The following WNT2B variants were observed in gnomAD, a reference collection of about 807,000 sequenced individuals.
The protein encoded by WNT2B is protein Wnt-2b.
In WNT2B, 19 loss-of-function variants were observed where a neutral mutation model predicts 40.5. That is an observed-to-expected ratio of 0.47 (90% CI 0.33 to 0.69). The LOEUF (loss-of-function observed/expected upper bound fraction) is 0.69. Among genes scored for constraint, WNT2B ranks in the 30% least tolerant of loss-of-function variants. WNT2B has a pLI of 0.02. For synonymous variants in WNT2B, 220 were observed against 211.9 expected (o/e 1.04, Z -0.33); for missense variants, 467 against 556.4 (o/e 0.84, Z 1.62).
At chr1:112,489,935 T>C (rs1651545871) in intron 1 of WNT2B, among the ~76,000 whole-genome samples, 1 of 152,218 alleles carries the variant, frequency 6.6e-6, no homozygotes, top group Non-Finnish European at 1.5e-5. Context: ...TTTAGGATTT[T>C]TTTCTTACTG....
chr1:112,518,827 A>G (rs1652704876), intron 4 of WNT2B, among the ~76,000 whole-genome samples: 1 of 152,212 alleles, frequency 6.6e-6, no homozygotes, highest in Non-Finnish European at 1.5e-5. Flanking sequence ...ATATGGAGCC[A>G]GGAATTCCCT....
intron 1 of WNT2B, 186 bp from the exon 2 acceptor site, chr1:112,514,688 G>A: frequency 1.6e-6 from 1 of 639,434 alleles, no homozygotes; most frequent in Non-Finnish European, 2.7e-6. Context: ...CTCTGCAACT[G>A]TATAACTATT....
intron 1 of WNT2B, among the ~76,000 whole-genome samples, chr1:112,513,534 G>C (rs781016627): frequency 6.6e-6 from 1 of 150,624 alleles, no homozygotes; most frequent in South Asian, 2.1e-4. Flanking sequence ...AGGGCCGGCT[G>C]TGGGAATGCA....
chr1:112,501,137 T>C (rs1164087734), intron 1 of WNT2B, among the ~76,000 whole-genome samples: 1 of 152,206 alleles, frequency 6.6e-6, no homozygotes, highest in African/African-American at 2.4e-5. Context: ...ACTAGTCAGG[T>C]ATTTTGTAGA....
chr1:112,496,653 C>T (rs764356431), intron 1 of WNT2B, among the ~76,000 whole-genome samples: 4 of 150,904 alleles, frequency 2.7e-5, no homozygotes, highest in Admixed American at 6.6e-5. Flanking sequence ...CAGGCTGGAG[C>T]GCAATGGTAT....
At chr1:112,469,912 C>G (rs757062987) in intron 1 of WNT2B, among the ~76,000 whole-genome samples, 1 of 152,158 alleles carries the variant, frequency 6.6e-6, no homozygotes, top group African/African-American at 2.4e-5. Flanking sequence ...CCGTACCCGG[C>G]CTATTTATAT....
At chr1:112,505,772 T>C (rs1652087064), upstream of WNT2B, among the ~76,000 whole-genome samples, 1 of 152,234 alleles carries the variant, frequency 6.6e-6, no homozygotes. Flanking sequence ...AGCTGGCTCC[T>C]GCAGCCTGGG....
In WNT2B at chr1:112,516,360, G is replaced by A; in HGVS notation, c.624G>A (p.Lys208=). Residue 208 remains lysine (K), a synonymous_variant, in exon 3 of 5, where the codon AAG becomes AAA. Coordinates refer to ENST00000369684, the MANE Select transcript of WNT2B (RefSeq NM_024494.3). Reference sequence around the variant, plus strand: ...AGGCCTTCGTGGATGCCAAGGAGAAGAGGCTTAAGGATGCCCGGGCCCTCA... The same window carrying A: ...AGGCCTTCGTGGATGCCAAGGAGAAAAGGCTTAAGGATGCCCGGGCCCTCA... ...FAKAFVDAKE[K]RLKDARALMN... is the part of the protein sequence containing the mutation. 2 of 1,614,028 alleles carry A rather than the reference G, an allele frequency of 1.2e-6. No homozygotes were observed. The highest frequency in any genetic ancestry group is 2.2e-5 in the East Asian group (1 of 44,848).
chr1:112,470,022 A>G (rs1159749990), intron 1 of WNT2B, among the ~76,000 whole-genome samples: 1 of 152,242 alleles, frequency 6.6e-6, no homozygotes, highest in African/African-American at 2.4e-5. Context: ...ACACACCACA[A>G]TTACAGTGTT....
chr1:112,485,504 T>C (rs1026396275), intron 1 of WNT2B, among the ~76,000 whole-genome samples: 1 of 151,970 alleles, frequency 6.6e-6, no homozygotes, highest in Non-Finnish European at 1.5e-5. Flanking sequence ...CTACGTTTTA[T>C]TGGAATAGAA....
At chr1:112,519,377 G>A (rs1042712148) in intron 4 of WNT2B, among the ~76,000 whole-genome samples, 5 of 152,170 alleles carry the variant, frequency 3.3e-5, no homozygotes, top group Non-Finnish European at 7.3e-5. Flanking sequence ...GTAGAAATCA[G>A]TTAATCTATT....
At chr1:112,473,235 G>A (rs112726001) in intron 1 of WNT2B, among the ~76,000 whole-genome samples, 2 of 150,720 alleles carry the variant, frequency 1.3e-5, no homozygotes, top group African/African-American at 2.4e-5. Flanking sequence ...AAGGAAGGAA[G>A]GAAGGAAAAG....
At chr1:112,496,464 C>T (rs1651770947) in intron 1 of WNT2B, among the ~76,000 whole-genome samples, 1 of 152,210 alleles carries the variant, frequency 6.6e-6, no homozygotes, top group African/African-American at 2.4e-5. Flanking sequence ...TCATCTAAAT[C>T]ACATATGAGT....
chr1:112,496,762 G>A (rs1240433349), intron 1 of WNT2B, among the ~76,000 whole-genome samples: 2 of 151,794 alleles, frequency 1.3e-5, no homozygotes, highest in African/African-American at 4.8e-5. Context: ...CACTACGCCC[G>A]GCTACTTTTG....
At chr1:112,476,889 G>A (rs917989662) in intron 1 of WNT2B, among the ~76,000 whole-genome samples, 1 of 152,174 alleles carries the variant, frequency 6.6e-6, no homozygotes, top group Non-Finnish European at 1.5e-5. Context: ...GCTGCTACAT[G>A]TATGATGGAC....
intron 1 of WNT2B, among the ~76,000 whole-genome samples, chr1:112,469,024 G>A (rs1245926126): frequency 1.3e-5 from 2 of 152,168 alleles, no homozygotes; most frequent in African/African-American, 2.4e-5. Flanking sequence ...TGTGCATATG[G>A]TTATTCAGTT....
Position 112,502,076 on chromosome 1 carries a change from C to G in WNT2B, c.-94-12798C>G, listed in dbSNP as rs550133735. 2.6e-3 allele frequency among the ~76,000 whole-genome samples: 391 copies of G among 152,358 alleles called. 6 individuals carry two copies. The highest frequency in any genetic ancestry group is 0.022 in the Admixed American group (334 of 15,308). On this transcript the variant is annotated intron_variant, in intron 1 of 4. Transcript: ENST00000256640. ...TTGGCTAAAGCTCAGCGTTCTCCTCCGGGGCTGGGGCCCTGGCCAGGCCTG... is the reference window on the plus strand; with the variant it reads ...TTGGCTAAAGCTCAGCGTTCTCCTCGGGGGCTGGGGCCCTGGCCAGGCCTG...
chr1:112,475,228 A>C (rs940491483), intron 1 of WNT2B, among the ~76,000 whole-genome samples: 1 of 152,216 alleles, frequency 6.6e-6, no homozygotes, highest in Non-Finnish European at 1.5e-5. Context: ...AGATTTGCCC[A>C]CACACACAAA....
At chr1:112,504,538 C>T (rs967282244), upstream of WNT2B, among the ~76,000 whole-genome samples, 2 of 152,084 alleles carry the variant, frequency 1.3e-5, no homozygotes, top group East Asian at 3.9e-4. Context: ...GTGTACAAAG[C>T]GTGGATCCCC....
Sources: gnomAD v4.1 joint callset for allele counts (sites outside exome capture counted in the v4.1 genomes callset) on GRCh38, gnomAD v4.1.1 for gene constraint, MANE v1.5 for transcripts, NCBI Gene and HGNC (gene_info 2026-07-23, HGNC 2026-07-21) for gene names.